SBNO2: variants seen among roughly 807,000 people sequenced by gnomAD.
The protein encoded by SBNO2 is strawberry notch homolog 2.
In SBNO2, 89 loss-of-function variants were observed where a neutral mutation model predicts 146.3. That is an observed-to-expected ratio of 0.61 (90% CI 0.51 to 0.73). SBNO2 has a LOEUF of 0.73. Ranked by LOEUF, SBNO2 falls within the 30% of genes least tolerant of loss-of-function variation. The pLI is 0.00. For missense variants in SBNO2, 2,092 were observed against 2,003.7 expected (o/e 1.04, Z -0.84); for synonymous variants, 1,147 against 892.6 (o/e 1.29, Z -5.08).
chr19:1,115,969 G>GGGAGAAAGCAGAGGGGC, intron 17 of SBNO2, 52 bp downstream of exon 17: 1 of 1,451,346 alleles, frequency 6.9e-7, no homozygotes, highest in South Asian at 1.2e-5. Flanking sequence ...AGCCCCCGGG[G>GGGAGAAAGCAGAGGGGC]GGAGAAAGCA....
chr19:1,169,583 C>T (rs1020035973), intron 1 of SBNO2, among the ~76,000 whole-genome samples: 1 of 152,182 alleles, frequency 6.6e-6, no homozygotes, highest in Admixed American at 6.5e-5. Context: ...GGGCGAGGGG[C>T]CCCCGGGGGG....
At position 1,109,475 on chromosome 19, in the gene SBNO2, CCT is replaced by C. The variant is rs1568549152; in HGVS notation, c.3216+29_3216+30del. The C allele has an allele frequency of 3.8e-6, 6 of 1,575,552 alleles. No homozygotes were observed. The highest frequency in any genetic ancestry group is 5.2e-6 in the Non-Finnish European group (6 of 1,162,348). ...CCCCGGTCCGCCCCCCGCGGGCCCT[CCT>C]CTGGGGGGGTAACCCCGCCCGACCC... is the stretch of plus-strand genomic sequence containing the variant. On this transcript the variant is annotated intron_variant, in intron 28 of 31. Coordinates refer to ENST00000361757, the MANE Select transcript of SBNO2 (RefSeq NM_014963.3). The surrounding 1 kb of genome is among the most constrained non-coding windows in gnomAD (Gnocchi z 4.2).
Position 1,108,691 on chromosome 19 carries a change from G to A in SBNO2, c.3630C>T (p.Pro1210=), listed in dbSNP as rs747334665. ...GCAGCACCCGGCGCACGCAGCCCTC[G>A]GGGATCTTGATGCCTGCGGGCAGAG... ...DRKKQVGIKI[P]EGCVRRVLQE... is the part of the protein sequence containing the mutation. Residue 1210 remains proline (P), a synonymous_variant, in exon 32 of 32, where the codon CCC becomes CCT. Transcript: ENST00000361757. The A allele has an allele frequency of 3.3e-5, 51 of 1,545,178 alleles. No individual in the cohort carries two copies. Among genetic ancestry groups the A allele is most frequent in the Non-Finnish European group, 4.2e-5 (49 of 1,154,190 alleles).
At position 1,148,373 on chromosome 19, in the gene SBNO2, G is replaced by A. The variant is rs111347070; in HGVS notation, c.168-953C>T. 3.6e-3 allele frequency among the ~76,000 whole-genome samples: 549 copies of A among 152,024 alleles called. 3 individuals carry two copies. The highest frequency in any genetic ancestry group is 5.7e-3 in the Non-Finnish European group (389 of 67,956). On this transcript the variant is annotated intron_variant, in intron 3 of 31. Transcript: ENST00000361757. ...AGGCTCTGGCTATACCTGCTCCCAA[G>A]CCCTTTGCACAGCCTGCTCGACTGC...
intron 2 of SBNO2, among the ~76,000 whole-genome samples, chr19:1,152,112 C>A (rs757506512): frequency 1.3e-5 from 2 of 152,202 alleles, no homozygotes; most frequent in Non-Finnish European, 2.9e-5. Flanking sequence ...GCCTCACACA[C>A]GGGATGGGGA....
At position 1,108,545 on chromosome 19, in the gene SBNO2, A is replaced by C. The variant is rs1169475042; in HGVS notation, c.3776T>G (p.Leu1259Arg). The change falls in exon 32 of 32, where the codon CTC (leucine) becomes CGC (arginine). Residue 1259 changes from leucine to arginine, a missense_variant. By Grantham distance (102) the Leu-to-Arg change is moderately radical. Transcript: ENST00000361757. Reference protein sequence around the residue: ...LPCGPGEVLDLTYSPPAEAFP... With the variant: ...LPCGPGEVLDRTYSPPAEAFP... ...GGCCTCGGCCGGGGGGCTGTAGGTG[A>C]GGTCCAGCACCTCTCCGGGGCCGCA... is the stretch of plus-strand genomic sequence containing the variant. The C allele has an allele frequency of 8.2e-7, 1 of 1,213,150 alleles. No individual in the cohort carries two copies. Among genetic ancestry groups the C allele is most frequent in the Non-Finnish European group, 1.0e-6 (1 of 975,408 alleles). The allele number at this position is 1,213,150 out of a possible 1,614,324, so 75.1% of individuals were successfully genotyped here.
intron 1 of SBNO2, among the ~76,000 whole-genome samples, chr19:1,156,818 G>A (rs2145320918): frequency 6.7e-6 from 1 of 149,080 alleles, no homozygotes; most frequent in Non-Finnish European, 1.5e-5. Context: ...GGGATGCGTG[G>A]GTGCCGGGCT....
intron 5 of SBNO2, 141 bp downstream of exon 5, chr19:1,127,463 A>G (rs2079978227): frequency 1.2e-6 from 1 of 813,908 alleles, no homozygotes; most frequent in Admixed American, 2.2e-5. Flanking sequence ...ATCCATGGCC[A>G]CAGATGGCGC....
rs1398181042 is a variant in SBNO2, at chr19:1,173,593, G to A, written c.-127+579C>T. ...GGGACCGGGGACAAGGAGGAGGAAGGGGCACGAACGCCCGAGGAGCCTGGA... is the reference window on the plus strand; with the variant it reads ...GGGACCGGGGACAAGGAGGAGGAAGAGGCACGAACGCCCGAGGAGCCTGGA... On this transcript the variant is annotated intron_variant, in intron 1 of 31. Transcript: ENST00000361757. This position sits in a 1 kb window ranked among gnomAD's most constrained non-coding sequence, Gnocchi z 4.7. The A allele has an allele frequency of 1.3e-5, 2 of 152,572 alleles. No homozygotes were observed. The highest frequency in any genetic ancestry group is 2.4e-5 in the African/African-American group (1 of 41,432). 9.5% of individuals were successfully genotyped at this position (152,572 alleles called of 1,614,324 possible). A position where few individuals can be genotyped will look rare whatever the true frequency, so the allele number is the denominator to read the frequency against.
chr19:1,117,146 G>A (rs751854052), intron 15 of SBNO2, among the ~76,000 whole-genome samples, 177 bp downstream of exon 15: 7 of 152,198 alleles, frequency 4.6e-5, no homozygotes, highest in Non-Finnish European at 7.4e-5. Flanking sequence ...GTCACACTCC[G>A]CTGTTCTGAC....
chr19:1,142,870 G>A (rs985451399), intron 4 of SBNO2, among the ~76,000 whole-genome samples: 6 of 152,170 alleles, frequency 3.9e-5, no homozygotes, highest in Non-Finnish European at 7.3e-5. Context: ...GGTAGGCTGA[G>A]GCAGGAGAAT....
At chr19:1,169,071 G>A (rs2145359869) in intron 1 of SBNO2, 1 of 152,366 alleles carries the variant, frequency 6.6e-6, no homozygotes, top group East Asian at 1.9e-4. Context: ...TCAATCACAA[G>A]GCTCCGGGAA....
At chr19:1,134,971 G>A (rs759059965) in intron 4 of SBNO2, among the ~76,000 whole-genome samples, 26 of 151,324 alleles carry the variant, frequency 1.7e-4, no homozygotes, top group South Asian at 4.2e-4. Context: ...GCTTGAACCC[G>A]GGAGGCAGAG....
At chr19:1,161,700 T>TC (rs2080346804) in intron 1 of SBNO2, among the ~76,000 whole-genome samples, 1 of 151,896 alleles carries the variant, frequency 6.6e-6, no homozygotes, top group African/African-American at 2.4e-5. Context: ...TTTCTACCTC[T>TC]CCTCTTGAAA....
chr19:1,111,981 C>T lies in SBNO2; in HGVS notation c.2700+15G>A, dbSNP rs2079767800. On this transcript the variant is annotated intron_variant, in intron 23 of 31. Transcript: ENST00000361757. The stretch of plus-strand genomic sequence containing the variant: ...GCCCCTGCCCCGCCCCCCAACCCTG[C>T]CTTCCCTGCAGTACCTTGTTCTCAA... 2 of 1,609,364 alleles carry T rather than the reference C, an allele frequency of 1.2e-6. No homozygotes were observed. The highest frequency in any genetic ancestry group is 1.7e-6 in the Non-Finnish European group (2 of 1,178,316).
At position 1,112,337 on chromosome 19, in the gene SBNO2, G is replaced by T; in HGVS notation, c.2516-36C>A. 6.4e-7 allele frequency: 1 copy of T among 1,565,982 alleles called. No homozygotes were observed. The highest frequency in any genetic ancestry group is 8.6e-7 in the Non-Finnish European group (1 of 1,157,536). Reference sequence around the variant, plus strand: ...AGCTGCTCTCAGGGCCCGGCCAGGCGGGGGCGGGGCCGAGACCATGTTGGG... The same window carrying T: ...AGCTGCTCTCAGGGCCCGGCCAGGCTGGGGCGGGGCCGAGACCATGTTGGG... On this transcript the variant is annotated intron_variant, in intron 21 of 31. Coordinates refer to ENST00000361757, the MANE Select transcript of SBNO2 (RefSeq NM_014963.3). This position sits in a 1 kb window ranked among gnomAD's most constrained non-coding sequence, Gnocchi z 5.9.
chr19:1,132,501 G>A (rs2080042679), intron 4 of SBNO2, among the ~76,000 whole-genome samples: 1 of 152,228 alleles, frequency 6.6e-6, no homozygotes, highest in African/African-American at 2.4e-5. Flanking sequence ...AGGTGGGCAT[G>A]GGCCTCGGTC....
chr19:1,169,190 G>C (rs945846927), intron 1 of SBNO2: 1 of 152,370 alleles, frequency 6.6e-6, no homozygotes, highest in Admixed American at 6.5e-5. Flanking sequence ...TGCACTGCAC[G>C]AGGCTGCCCG....
In SBNO2 at chr19:1,114,404, C is replaced by T. The variant is rs1424911116; in HGVS notation, c.1904G>A (p.Gly635Glu). The change falls in exon 18 of 32, where the codon GGG becomes GAG. Residue 635 changes from glycine (G) to glutamate (E), a missense_variant. Transcript: ENST00000361757. ...GCACGCCAGCCGGGGGGCTTTGGCC[C>T]CGCGTCCCCGAGGTCGCCCTGCAGG... ...SKRKRRPRGR[G>E]AKAPRLACET... is the part of the protein sequence containing the mutation. 6.5e-7 allele frequency: 1 copy of T among 1,540,220 alleles called. No homozygotes were observed. Among genetic ancestry groups the T allele is most frequent in the Non-Finnish European group, 8.8e-7 (1 of 1,141,404 alleles).
Sources: allele counts gnomAD v4.1 joint callset (sites outside exome capture counted in the v4.1 genomes callset), GRCh38; gene constraint gnomAD v4.1.1; non-coding constraint Gnocchi (gnomAD v3.1); transcripts MANE v1.5; gene names NCBI Gene and HGNC (gene_info 2026-07-23, HGNC 2026-07-21).